Variants in ZDHHC15 observed in about 807,000 individuals in gnomAD.
ZDHHC15 encodes zDHHC palmitoyltransferase 15.
In ZDHHC15, 19 loss-of-function variants were observed where a neutral mutation model predicts 31.7. The observed-to-expected ratio is 0.60, with a 90% CI of 0.42 to 0.88. The LOEUF is 0.88. ZDHHC15 is among the 40% of genes least tolerant of loss of function. The pLI is 0.00. For synonymous variants in ZDHHC15, 103 were observed against 90.0 expected (o/e 1.14, Z -0.82); for missense variants, 209 against 251.2 (o/e 0.83, Z 1.14).
At chrX:75,469,156 A>G (rs1438649224) in intron 3 of ZDHHC15, among the ~76,000 whole-genome samples, 1 of 111,936 alleles carries the variant, frequency 8.9e-6, no homozygotes, top group African/African-American at 3.2e-5. Context: ...CCAAGATAAT[A>G]AAGATTTTCC....
intron 3 of ZDHHC15, among the ~76,000 whole-genome samples, chrX:75,467,734 T>C (rs58614606): frequency 0.011 from 1,266 of 112,333 alleles, 21 homozygotes; most frequent in African/African-American, 0.039. Flanking sequence ...ACGACAGTCA[T>C]TTTTATTTAG....
intron 2 of ZDHHC15, among the ~76,000 whole-genome samples, chrX:75,488,020 G>C (rs940507611): frequency 8.9e-6 from 1 of 112,133 alleles, no homozygotes; most frequent in Non-Finnish European, 1.9e-5. Flanking sequence ...CAAAGATTTT[G>C]AGATTATGTC....
chrX:75,430,144 T>C (rs778024328), intron 5 of ZDHHC15, among the ~76,000 whole-genome samples, 164 bp from the exon 6 acceptor site: 2 of 111,918 alleles, frequency 1.8e-5, no homozygotes, highest in South Asian at 7.5e-4. Flanking sequence ...CAGTTATTTC[T>C]AGGATGAGGT....
chrX:75,469,540 G>A (rs759277372), intron 3 of ZDHHC15, among the ~76,000 whole-genome samples: 5 of 111,750 alleles, frequency 4.5e-5, no homozygotes, highest in Non-Finnish European at 9.4e-5. Flanking sequence ...CTGAAGTTTC[G>A]TCCATGTGGT....
chrX:75,494,226 G>C (rs1301309195), intron 2 of ZDHHC15, among the ~76,000 whole-genome samples: 1 of 111,148 alleles, frequency 9.0e-6, no homozygotes, highest in Admixed American at 9.6e-5. Context: ...CAAGTTACAA[G>C]GGACGTGAAG....
intron 1 of ZDHHC15, among the ~76,000 whole-genome samples, chrX:75,507,539 T>A (rs2085187181): frequency 9.0e-6 from 1 of 111,714 alleles, no homozygotes; most frequent in Non-Finnish European, 1.9e-5. Flanking sequence ...AAAATGAAAA[T>A]GTTACAAGAG....
chrX:75,522,872 T>A lies in ZDHHC15; in HGVS notation c.136+17A>T, dbSNP rs2085462133. ...TGGAGTATAATTTCCCCACCTTAGG[T>A]GCCCAGCCCCACTTACCCAGGCAGA... is the stretch of plus-strand genomic sequence containing the variant. On this transcript the variant is annotated intron_variant, in intron 1 of 11. Coordinates refer to ENST00000373367, the MANE Select transcript of ZDHHC15 (RefSeq NM_144969.3). The A allele has an allele frequency of 5.0e-6, 6 of 1,210,869 alleles. No homozygotes were observed. Among genetic ancestry groups the A allele is most frequent in the Non-Finnish European group, 6.7e-6 (6 of 895,078 alleles).
chrX:75,391,331 C>T (rs1473293797), intron 10 of ZDHHC15, among the ~76,000 whole-genome samples: 1 of 111,586 alleles, frequency 9.0e-6, no homozygotes, highest in African/African-American at 3.3e-5. Flanking sequence ...CAGAATTTCC[C>T]AAACCTAGAG....
chrX:75,385,783 C>T (rs948974420), intron 10 of ZDHHC15, among the ~76,000 whole-genome samples: 1 of 111,695 alleles, frequency 9.0e-6, no homozygotes, highest in South Asian at 3.8e-4. Context: ...TTCTACTTAT[C>T]TAAAGCCTTT....
rs140610252 is a variant in ZDHHC15 at position 75,380,758 on chromosome X, C to T, written c.968-1560G>A. ...CTACCATCTGCACCTATACTCCTTCCCCCAACTACACCTGCCCTTGCTGCC... is the reference window on the plus strand; with the variant it reads ...CTACCATCTGCACCTATACTCCTTCTCCCAACTACACCTGCCCTTGCTGCC... On this transcript the variant is annotated intron_variant, in intron 10 of 11. Coordinates refer to ENST00000373367, the MANE Select transcript of ZDHHC15 (RefSeq NM_144969.3). Among the ~76,000 whole-genome samples the T allele has an allele frequency of 4.6e-3, 512 of 111,457 alleles. 4 individuals are homozygous for T. Among genetic ancestry groups the T allele is most frequent in the African/African-American group, 0.016 (485 of 30,667 alleles).
At position 75,382,923 on chromosome X, in the gene ZDHHC15, C is replaced by A. The variant is rs1311591007; in HGVS notation, c.968-3725G>T. 6.3e-5 allele frequency among the ~76,000 whole-genome samples: 7 copies of A among 111,861 alleles called. No homozygotes were observed. In the Admixed American group the frequency reaches 6.6e-4, roughly 11 times the overall value. ...GAGAAGAGGCTTTCCAAAAGTCATGCATTGAACTTAGTGGCAGAGGTGGGA... is the reference window on the plus strand; with the variant it reads ...GAGAAGAGGCTTTCCAAAAGTCATGAATTGAACTTAGTGGCAGAGGTGGGA... On this transcript the variant is annotated intron_variant, in intron 10 of 11. Transcript: ENST00000373367.
At chrX:75,415,159 A>T (rs2147829216) in intron 10 of ZDHHC15, among the ~76,000 whole-genome samples, 1 of 112,058 alleles carries the variant, frequency 8.9e-6, no homozygotes, top group Admixed American at 9.5e-5. Flanking sequence ...AATTAACTTA[A>T]ATACACACAT....
chrX:75,439,454 ATTG>A (rs990028735), intron 4 of ZDHHC15, among the ~76,000 whole-genome samples: 1 of 111,187 alleles, frequency 9.0e-6, no homozygotes, highest in African/African-American at 3.3e-5. Context: ...CTTCAATTAT[ATTG>A]TTGTAACTTT....
chrX:75,430,014 A>T, intron 5 of ZDHHC15, 34 bp from the exon 6 acceptor site: 2 of 1,191,884 alleles, frequency 1.7e-6, no homozygotes, highest in Non-Finnish European at 2.3e-6. Context: ...GTGATAAGTG[A>T]GGCTATGGAA....
intron 2 of ZDHHC15, among the ~76,000 whole-genome samples, chrX:75,486,535 G>A (rs1489024765): frequency 8.9e-6 from 1 of 112,598 alleles, no homozygotes; most frequent in Non-Finnish European, 1.9e-5. Flanking sequence ...CAGGCAAGGA[G>A]GGGTAAGGCC....
chrX:75,390,127 T>C (rs1021453523), intron 10 of ZDHHC15, among the ~76,000 whole-genome samples: 9 of 111,378 alleles, frequency 8.1e-5, no homozygotes, highest in Admixed American at 2.8e-4. Context: ...TAACTGTGTA[T>C]TTGTGGAAAG....
At chrX:75,405,757 C>T (rs1035397194) in intron 10 of ZDHHC15, among the ~76,000 whole-genome samples, 1 of 111,806 alleles carries the variant, frequency 8.9e-6, no homozygotes, top group Non-Finnish European at 1.9e-5. Context: ...AAGGGAGTAT[C>T]CTCCAGACAG....
chrX:75,413,084 T>C (rs2083503716), intron 10 of ZDHHC15, among the ~76,000 whole-genome samples: 1 of 112,284 alleles, frequency 8.9e-6, no homozygotes, highest in African/African-American at 3.2e-5. Flanking sequence ...AAAAGGTAAC[T>C]ATGTGAGATG....
intron 10 of ZDHHC15, chrX:75,384,620 G>A (rs944398385): frequency 6.6e-5 from 54 of 823,145 alleles, no homozygotes; most frequent in Middle Eastern, 3.6e-4. Flanking sequence ...ATTAATGTGC[G>A]TATTGAGCAC....
Sources: allele counts gnomAD v4.1 joint callset (sites outside exome capture counted in the v4.1 genomes callset), GRCh38; gene constraint gnomAD v4.1.1; transcripts MANE v1.5; gene names NCBI Gene and HGNC (gene_info 2026-07-23, HGNC 2026-07-21).